ACTA2: variants seen among roughly 807,000 people sequenced by gnomAD.
The protein encoded by ACTA2 is actin alpha 2, smooth muscle.
Under a neutral mutation model 39.5 loss-of-function variants are expected in ACTA2, and 12 were observed. The ratio of observed to expected loss-of-function variants is 0.30; its 90% confidence interval spans 0.19 to 0.49. The LOEUF (loss-of-function observed/expected upper bound fraction) is 0.49, where lower values mean the gene tolerates loss of function less well. Among genes scored for constraint, ACTA2 ranks in the 20% least tolerant of loss-of-function variants. The pLI, the probability that ACTA2 is intolerant of heterozygous loss-of-function variation, is 0.99. For synonymous variants in ACTA2, 158 were observed against 180.6 expected (o/e 0.88, Z 1.00); for missense variants, 236 against 498.8 (o/e 0.47, Z 5.02).
chr10:88,944,010 A>C (rs1488702036), intron 3 of ACTA2, 103 bp from the exon 4 acceptor site: 2 of 967,072 alleles, frequency 2.1e-6, no homozygotes, highest in Non-Finnish European at 3.3e-6. Flanking sequence ...AGACCAAAGG[A>C]AATGCTACAA....
chr10:88,955,658 G>T (rs551494528), upstream of ACTA2, among the ~76,000 whole-genome samples: 5 of 152,194 alleles, frequency 3.3e-5, no homozygotes, highest in Non-Finnish European at 7.3e-5. Context: ...TGGTATTTCA[G>T]GGATTTATTT....
Position 88,939,947 on chromosome 10 carries a change from G to A in ACTA2, c.617-249C>T, listed in dbSNP as rs897391006. On this transcript the variant is annotated intron_variant, in intron 6 of 8. Transcript: ENST00000224784. The stretch of plus-strand genomic sequence containing the variant: ...GCATTGTCTGGGAAATGCATAACAA[G>A]AATAAAATGAGCTAGCTAGAGAAAG... The A allele has an allele frequency of 3.4e-5, 18 of 534,862 alleles. No homozygotes were observed. The African/African-American group carries it at 3.4e-4, about 10-fold the overall frequency. 33.1% of individuals were successfully genotyped at this position (534,862 alleles called of 1,614,324 possible).
At position 88,990,449 on chromosome 10, in the gene ACTA2, C is replaced by A; in HGVS notation, c.-24+490G>T. 2.0e-6 allele frequency: 1 copy of A among 501,902 alleles called. No homozygotes were observed. The highest frequency in any genetic ancestry group is 3.8e-6 in the Non-Finnish European group (1 of 260,686). 31.1% of individuals were successfully genotyped at this position (501,902 alleles called of 1,614,324 possible). Reference sequence around the variant, plus strand: ...TCCTCACCTGAAGTGAGCATGCCAGCCACTGCAGGAACGCCCCGGGACAGG... The same window carrying A: ...TCCTCACCTGAAGTGAGCATGCCAGACACTGCAGGAACGCCCCGGGACAGG... On this transcript the variant is annotated intron_variant, in intron 1 of 4. Coordinates refer to the ACTA2 transcript ENST00000415557. The surrounding 1 kb of genome is among the most constrained non-coding windows in gnomAD (Gnocchi z 4.9).
At chr10:88,956,603 G>T (rs1846142699), upstream of ACTA2, among the ~76,000 whole-genome samples, 1 of 152,096 alleles carries the variant, frequency 6.6e-6, no homozygotes, top group Non-Finnish European at 1.5e-5. Context: ...TTGCAGGGAG[G>T]ATTCATTATC....
At chr10:88,956,225 A>G (rs1403841205), upstream of ACTA2, among the ~76,000 whole-genome samples, 1 of 152,234 alleles carries the variant, frequency 6.6e-6, no homozygotes, top group East Asian at 1.9e-4. Context: ...GTATTCTGTT[A>G]CAATTCTTGA....
chr10:88,981,528 T>C (rs1392692151), intron 1 of ACTA2, among the ~76,000 whole-genome samples: 1 of 152,042 alleles, frequency 6.6e-6, no homozygotes, highest in Non-Finnish European at 1.5e-5. Context: ...GAAGGCAAAT[T>C]GAAGAGGTAT....
chr10:88,941,046 A>G (rs915810853), intron 6 of ACTA2, 183 bp downstream of exon 6: 2 of 712,662 alleles, frequency 2.8e-6, no homozygotes, highest in African/African-American at 3.5e-5. Context: ...TCCTCAAGGA[A>G]ATAGTGTAAT....
chr10:88,963,834 G>A (rs576402558), intron 1 of ACTA2, among the ~76,000 whole-genome samples: 1 of 152,218 alleles, frequency 6.6e-6, no homozygotes, highest in African/African-American at 2.4e-5. Context: ...TCTTTGTTTA[G>A]CTATACATTC....
chr10:88,938,819 G>C (rs904304833), intron 7 of ACTA2, among the ~76,000 whole-genome samples: 1 of 151,714 alleles, frequency 6.6e-6, no homozygotes, highest in Non-Finnish European at 1.5e-5. Flanking sequence ...TTCATCTTCT[G>C]CAGTGCTGTG....
At chr10:88,962,973 AT>A (rs1846259810) in intron 1 of ACTA2, among the ~76,000 whole-genome samples, 5 of 55,692 alleles carry the variant, frequency 9.0e-5, no homozygotes, top group Non-Finnish European at 1.1e-4. Context: ...ATATATATAT[AT>A]ATAATATTTT....
chr10:88,972,552 T>G (rs185519288), intron 1 of ACTA2, among the ~76,000 whole-genome samples: 26 of 152,242 alleles, frequency 1.7e-4, no homozygotes, highest in African/African-American at 6.3e-4. Flanking sequence ...TATTGTTTAA[T>G]TTTTTTTCTA....
rs1057523339 is a variant in ACTA2 at position 88,939,693 on chromosome 10, G to T, written c.622C>A (p.Arg208Ser). The T allele has an allele frequency of 6.2e-7, 1 of 1,613,888 alleles. No homozygotes were observed. Among genetic ancestry groups the T allele is most frequent in the Non-Finnish European group, 8.5e-7 (1 of 1,179,940 alleles). ...RGYSFVTTAE[R>S]EIVRDIKEKL... The stretch of plus-strand genomic sequence containing the variant: ...TCCTTGATGTCCCGGACAATCTCAC[G>T]CTCAGCTGTCAACCAGATACAAACA... Residue 208 changes from arginine to serine, a missense_variant, in exon 7 of 9, where the codon CGT (arginine) becomes AGT (serine). Transcript: ENST00000224784.
intron 1 of ACTA2, among the ~76,000 whole-genome samples, chr10:88,985,180 C>T (rs763213311): frequency 2.1e-4 from 32 of 152,158 alleles, no homozygotes; most frequent in Non-Finnish European, 1.5e-4. Context: ...TTATGTTTAC[C>T]AGGTGAGAAA....
chr10:88,970,809 G>A (rs1468048926), intron 1 of ACTA2, among the ~76,000 whole-genome samples: 1 of 152,012 alleles, frequency 6.6e-6, no homozygotes, highest in African/African-American at 2.4e-5. Context: ...CATGGCACGT[G>A]TATACATATG....
intron 3 of ACTA2, among the ~76,000 whole-genome samples, chr10:88,944,850 A>G (rs969187651): frequency 6.6e-6 from 1 of 152,236 alleles, no homozygotes; most frequent in African/African-American, 2.4e-5. Context: ...AAGCACGAAA[A>G]TTCTCCACCA....
At chr10:88,943,698 C>A in intron 4 of ACTA2, 99 bp downstream of exon 4, 1 of 979,758 alleles carries the variant, frequency 1.0e-6, no homozygotes, top group African/African-American at 1.6e-5. Flanking sequence ...TGTTGGTGGA[C>A]TCCTAGCTCC....
intron 1 of ACTA2, among the ~76,000 whole-genome samples, chr10:88,965,980 A>G (rs1254286448): frequency 6.6e-6 from 1 of 152,184 alleles, no homozygotes; most frequent in Admixed American, 6.6e-5. Flanking sequence ...GCCTGAATTT[A>G]CGGAACCATG....
exon 1 of ACTA2, chr10:88,991,155 C>A: frequency 3.4e-6 from 2 of 596,156 alleles, no homozygotes; most frequent in Non-Finnish European, 6.0e-6. Context: ...GTGCTGACCC[C>A]GCTGGGCAGG....
chr10:88,984,734 G>A (rs114113557), intron 1 of ACTA2, among the ~76,000 whole-genome samples: 1,591 of 151,846 alleles, frequency 0.01, 29 homozygotes, highest in African/African-American at 0.033. Flanking sequence ...CATATAGGAA[G>A]AGACAGAGTG....
Sources: allele counts gnomAD v4.1 joint callset (sites outside exome capture counted in the v4.1 genomes callset), GRCh38; gene constraint gnomAD v4.1.1; non-coding constraint Gnocchi (gnomAD v3.1); transcripts MANE v1.5; gene names NCBI Gene and HGNC (gene_info 2026-07-23, HGNC 2026-07-21).